Variants in RIC3 observed in about 807,000 individuals in gnomAD.
RIC3 encodes RIC3 acetylcholine receptor chaperone.
Under a neutral mutation model 27.3 loss-of-function variants are expected in RIC3, and 28 were observed. That is an observed-to-expected ratio of 1.02 (90% CI 0.76 to 1.41). RIC3 has a LOEUF of 1.41. Among genes scored for constraint, RIC3 ranks in the 40% most tolerant of loss-of-function variants. The probability of loss-of-function intolerance (pLI) is 0.00; values close to 1 mark genes in which losing one functional copy is unlikely to be tolerated. For synonymous variants in RIC3, 184 were observed against 160.4 expected, an observed-to-expected ratio of 1.15 and a Z score of -1.11; for missense variants, 501 against 444.7, an observed-to-expected ratio of 1.13 and a Z score of -1.14.
At chr11:8,102,256 T>C (rs576868019), downstream of RIC3, 155 of 152,300 alleles carry the variant, frequency 1.0e-3, no homozygotes, top group African/African-American at 3.3e-3. Flanking sequence ...GCTGTGGCTA[T>C]GGGAATCAGC....
At chr11:8,137,515 C>G in intron 3 of RIC3, 44 bp from the exon 4 acceptor site, 1 of 1,535,520 alleles carries the variant, frequency 6.5e-7, no homozygotes, top group Non-Finnish European at 9.0e-7. Flanking sequence ...AGACAACTCC[C>G]TAAACCTGTT....
In RIC3 at chr11:8,137,393, C is replaced by T. The variant is rs373609961; in HGVS notation, c.506G>A (p.Gly169Glu). The T allele has an allele frequency of 6.2e-7, 1 of 1,613,876 alleles. No individual in the cohort carries two copies. Among genetic ancestry groups the T allele is most frequent in the African/African-American group, 1.3e-5 (1 of 75,058 alleles). Residue 169 changes from glycine to glutamate, a missense_variant, in exon 4 of 6, where the codon GGA becomes GAA. Coordinates refer to ENST00000309737, the MANE Select transcript of RIC3 (RefSeq NM_001206671.4). Reference sequence around the variant, plus strand: ...GAAAACCTACCTCTCACCATTAGGTCCCACTCTGTTGATTAATTTTTCCAT... The same window carrying T: ...GAAAACCTACCTCTCACCATTAGGTTCCACTCTGTTGATTAATTTTTCCAT... ...AAMEKLINRV[G>E]PNGESRAQTV... is the part of the protein sequence containing the mutation.
intron 1 of RIC3, among the ~76,000 whole-genome samples, chr11:8,144,946 C>T (rs1248466998): frequency 5.0e-5 from 7 of 139,494 alleles, no homozygotes; most frequent in South Asian, 2.4e-4. Context: ...AACCAAACAC[C>T]GCATATTCTC....
chr11:8,146,603 A>T (rs1453576186), intron 1 of RIC3, among the ~76,000 whole-genome samples: 4 of 152,164 alleles, frequency 2.6e-5, no homozygotes, highest in Non-Finnish European at 4.4e-5. Context: ...AGCCCTCAGG[A>T]GGTCCTGAGA....
intron 1 of RIC3, among the ~76,000 whole-genome samples, chr11:8,164,018 T>C (rs974264706): frequency 6.6e-6 from 1 of 152,220 alleles, no homozygotes; most frequent in Non-Finnish European, 1.5e-5. Flanking sequence ...TAATGTAATA[T>C]AATTGAGAGT....
chr11:8,102,457 C>T (rs548473417), downstream of RIC3: 1 of 152,350 alleles, frequency 6.6e-6, no homozygotes, highest in East Asian at 1.9e-4. Flanking sequence ...CCCAGGAGCT[C>T]TCTGCTGAGC....
intron 3 of RIC3, 32 bp downstream of exon 3, chr11:8,138,240 T>G (rs765016534): frequency 8.2e-6 from 12 of 1,458,432 alleles, no homozygotes; most frequent in Middle Eastern, 1.7e-4. Context: ...GACTCAATAA[T>G]ACCTGTGAAT....
chr11:8,099,435 A>G, the RIC3 span, among the ~76,000 whole-genome samples: 3 of 152,132 alleles, frequency 2.0e-5, no homozygotes, highest in Non-Finnish European at 4.4e-5. Flanking sequence ...GGGCATGGGC[A>G]CTTCTTGGAG....
intron 1 of RIC3, among the ~76,000 whole-genome samples, chr11:8,155,168 C>G (rs1266325454): frequency 6.8e-6 from 1 of 146,086 alleles, no homozygotes; most frequent in Non-Finnish European, 1.5e-5. Context: ...CTGTGGTGAG[C>G]TATGATCACA....
At chr11:8,101,391 C>G, downstream of RIC3, 55 of 1,475,328 alleles carry the variant, frequency 3.7e-5, no homozygotes, top group Non-Finnish European at 4.9e-5. Flanking sequence ...CTCACTTGTT[C>G]TTCCCTCATG....
chr11:8,126,650 A>T lies in RIC3; in HGVS notation c.670+9T>A. 6.2e-7 allele frequency: 1 copy of T among 1,613,476 alleles called. No homozygotes were observed. Among genetic ancestry groups the T allele is most frequent in the East Asian group, 2.2e-5 (1 of 44,868 alleles). On this transcript the variant is annotated intron_variant, in intron 5 of 5. Transcript: ENST00000309737. The stretch of plus-strand genomic sequence containing the variant: ...ACAGCTAACAAAAAAATGAGAAGAC[A>T]CTGTTTACCTTCCCAGTCCTCCATG...
chr11:8,137,291 TG>T, intron 4 of RIC3, 86 bp downstream of exon 4: 1 of 1,185,224 alleles, frequency 8.4e-7, no homozygotes, highest in Non-Finnish European at 1.2e-6. Flanking sequence ...CCCAAAGTGC[TG>T]GGATTAGAGG....
chr11:8,162,765 C>A (rs900028452), intron 1 of RIC3, among the ~76,000 whole-genome samples: 2 of 151,162 alleles, frequency 1.3e-5, no homozygotes, highest in Admixed American at 6.6e-5. Context: ...CCTGCTTCAG[C>A]CTCCCAAGTA....
chr11:8,104,560 C>T (rs1031795646), downstream of RIC3: 2 of 152,184 alleles, frequency 1.3e-5, no homozygotes, highest in Non-Finnish European at 2.9e-5. Flanking sequence ...TTATGATCGC[C>T]TGTGGATTTT....
intron 1 of RIC3, chr11:8,153,421 T>G (rs1181081431): frequency 2.2e-6 from 1 of 453,306 alleles, no homozygotes; most frequent in Non-Finnish European, 4.4e-6. Flanking sequence ...CACTCTTAGT[T>G]TTCTGCAATA....
At chr11:8,116,102 G>A (rs1393566168) in intron 5 of RIC3, among the ~76,000 whole-genome samples, 1 of 152,016 alleles carries the variant, frequency 6.6e-6, no homozygotes, top group Non-Finnish European at 1.5e-5. Flanking sequence ...CATATTTATG[G>A]TCAATTTTTT....
At chr11:8,158,191 T>C (rs936316322) in intron 1 of RIC3, among the ~76,000 whole-genome samples, 2 of 152,204 alleles carry the variant, frequency 1.3e-5, no homozygotes, top group Non-Finnish European at 2.9e-5. Context: ...CACATATACA[T>C]GTATCTGTAT....
At chr11:8,129,951 T>C (rs549786918) in intron 4 of RIC3, among the ~76,000 whole-genome samples, 1 of 152,368 alleles carries the variant, frequency 6.6e-6, no homozygotes, top group East Asian at 1.9e-4. Flanking sequence ...ACACACTCAG[T>C]GCTGAACTTA....
intron 1 of RIC3, among the ~76,000 whole-genome samples, chr11:8,149,528 A>T (rs1950035093): frequency 6.6e-6 from 1 of 152,236 alleles, no homozygotes; most frequent in Admixed American, 6.5e-5. Flanking sequence ...AGGCTCTAAT[A>T]TAGACAGAAA....
Sources: gnomAD v4.1 joint callset for allele counts (sites outside exome capture counted in the v4.1 genomes callset) on GRCh38, gnomAD v4.1.1 for gene constraint, MANE v1.5 for transcripts, NCBI Gene and HGNC (gene_info 2026-07-23, HGNC 2026-07-21) for gene names.